The following PPM1L variants were observed in gnomAD, a reference collection of about 807,000 sequenced individuals.
The protein encoded by PPM1L is protein phosphatase 1L.
Under a neutral mutation model 31.4 loss-of-function variants are expected in PPM1L, and 13 were observed. The ratio of observed to expected loss-of-function variants is 0.41; its 90% confidence interval spans 0.27 to 0.66. PPM1L has a LOEUF of 0.66. PPM1L is among the 30% of genes least tolerant of loss of function. The probability of loss-of-function intolerance (pLI) is 0.29; values close to 1 mark genes in which losing one functional copy is unlikely to be tolerated. For synonymous variants in PPM1L, 184 were observed against 175.4 expected, an observed-to-expected ratio of 1.05 and a Z score of -0.39; for missense variants, 326 against 453.7, an observed-to-expected ratio of 0.72 and a Z score of 2.56.
intron 1 of PPM1L, among the ~76,000 whole-genome samples, chr3:160,847,298 A>G (rs2108109809): frequency 1.3e-5 from 2 of 152,348 alleles, no homozygotes; most frequent in South Asian, 4.1e-4. Flanking sequence ...AAAAATTTAG[A>G]GAAGAACCAA....
chr3:160,930,922 G>A (rs1714765508), intron 1 of PPM1L, among the ~76,000 whole-genome samples: 1 of 152,120 alleles, frequency 6.6e-6, no homozygotes, highest in South Asian at 2.1e-4. Flanking sequence ...TTCTAAGCAA[G>A]CATATGGTTA....
chr3:160,914,999 G>A (rs1440873472), intron 1 of PPM1L, among the ~76,000 whole-genome samples: 1 of 152,096 alleles, frequency 6.6e-6, no homozygotes, highest in Non-Finnish European at 1.5e-5. Context: ...GTGTGAGATG[G>A]TATCTCTTTA....
At chr3:160,901,993 T>C (rs926577897) in intron 1 of PPM1L, among the ~76,000 whole-genome samples, 1 of 152,176 alleles carries the variant, frequency 6.6e-6, no homozygotes, top group Non-Finnish European at 1.5e-5. Context: ...GCTATATTTC[T>C]TTTTATAATT....
At chr3:160,920,113 T>G (rs1714336126) in intron 1 of PPM1L, among the ~76,000 whole-genome samples, 1 of 152,138 alleles carries the variant, frequency 6.6e-6, no homozygotes, top group African/African-American at 2.4e-5. Flanking sequence ...ACTTCACTCC[T>G]TGGGGGTGGG....
chr3:160,776,323 T>G (rs921918661), intron 1 of PPM1L, among the ~76,000 whole-genome samples: 15 of 151,606 alleles, frequency 9.9e-5, no homozygotes, highest in Non-Finnish European at 1.5e-5. Flanking sequence ...GTGTGTGTGT[T>G]TGTGTGTGTG....
At chr3:160,848,872 C>A (rs1304680716) in intron 1 of PPM1L, among the ~76,000 whole-genome samples, 1 of 152,226 alleles carries the variant, frequency 6.6e-6, no homozygotes, top group Non-Finnish European at 1.5e-5. Context: ...AGCTGGAAAT[C>A]TGGCAGTCCT....
intron 1 of PPM1L, among the ~76,000 whole-genome samples, chr3:160,906,606 G>GAAAA (rs746541282): frequency 0.07 from 8,669 of 123,070 alleles, 317 homozygotes; most frequent in Admixed American, 0.12. Flanking sequence ...GTCTCATAAA[G>GAAAA]AAAAGAAAAG....
At chr3:161,034,068 T>G (rs1718662385) in intron 2 of PPM1L, among the ~76,000 whole-genome samples, 1 of 146,868 alleles carries the variant, frequency 6.8e-6, no homozygotes, top group Non-Finnish European at 1.5e-5. Context: ...AAGACATTTA[T>G]GCAGCCAACA....
At chr3:160,883,881 CAAAAA>C (rs36011243) in intron 1 of PPM1L, among the ~76,000 whole-genome samples, 1 of 106,384 alleles carries the variant, frequency 9.4e-6, no homozygotes, top group African/African-American at 4.3e-5. Context: ...CTTGTCTCTA[CAAAAA>C]AAAAAAAAAA....
chr3:160,916,163 G>T (rs1714173160), intron 1 of PPM1L, among the ~76,000 whole-genome samples: 2 of 152,030 alleles, frequency 1.3e-5, no homozygotes, highest in South Asian at 4.2e-4. Context: ...CTACTCATCT[G>T]ACAAAGGGCT....
chr3:161,072,030 G>A lies in PPM1L; in HGVS notation c.*2873G>A, dbSNP rs1719937531. The stretch of plus-strand genomic sequence containing the variant: ...AAGACAGGAATGGCCATGTGCTTCT[G>A]AGACCCCAGCACGATGCCAGGCCCA... On this transcript the variant is annotated 3_prime_UTR_variant, in exon 4 of 4. Transcript: ENST00000498165. The A allele has an allele frequency of 6.6e-6, 1 of 152,222 alleles. No individual in the cohort carries two copies. The highest frequency in any genetic ancestry group is 1.5e-5 in the Non-Finnish European group (1 of 68,040). The allele number at this position is 152,222 out of a possible 1,614,324, so 9.4% of individuals were successfully genotyped here. A position where few individuals can be genotyped will look rare whatever the true frequency, so the allele number is the denominator to read the frequency against.
Position 160,961,805 on chromosome 3 carries a change from G to A in PPM1L, c.469G>A (p.Asp157Asn). The change falls in exon 2 of 4, where the codon GAC becomes AAC. Residue 157 changes from aspartate (D) to asparagine (N), a missense_variant. Asp to Asn is a conservative substitution (Grantham distance 23). Coordinates refer to ENST00000498165, the MANE Select transcript of PPM1L (RefSeq NM_139245.4). ...LKQHLQDYEK[D>N]KENSVLSYQT... ...ACAGCATCTTCAGGACTACGAGAAA[G>A]ACAAAGAAAATAGTGTATTATCTTA... is the stretch of plus-strand genomic sequence containing the variant. The A allele has an allele frequency of 6.2e-7, 1 of 1,602,406 alleles. No homozygotes were observed. Among genetic ancestry groups the A allele is most frequent in the Non-Finnish European group, 8.5e-7 (1 of 1,175,106 alleles).
intron 1 of PPM1L, among the ~76,000 whole-genome samples, chr3:160,762,615 G>A (rs1168012735): frequency 6.6e-6 from 1 of 152,126 alleles, no homozygotes; most frequent in Non-Finnish European, 1.5e-5. Context: ...AGTGTGTGAT[G>A]GCTTGACTGA....
intron 2 of PPM1L, among the ~76,000 whole-genome samples, chr3:161,062,232 C>T (rs115541156): frequency 0.014 from 2,057 of 152,136 alleles, 50 homozygotes; most frequent in African/African-American, 0.047. Flanking sequence ...TCTAGATATA[C>T]GGGTATTATC....
At chr3:160,990,661 T>C (rs1433172593) in intron 2 of PPM1L, among the ~76,000 whole-genome samples, 2 of 152,184 alleles carry the variant, frequency 1.3e-5, no homozygotes, top group Non-Finnish European at 2.9e-5. Flanking sequence ...CAAAACAAAG[T>C]GAAAGGTCCC....
intron 1 of PPM1L, among the ~76,000 whole-genome samples, chr3:160,906,209 G>T (rs1004204983): frequency 1.3e-5 from 2 of 152,074 alleles, no homozygotes; most frequent in African/African-American, 2.4e-5. Flanking sequence ...GAGGTGTCTG[G>T]ATCAGTATGT....
At chr3:160,885,771 C>G (rs919449500) in intron 1 of PPM1L, among the ~76,000 whole-genome samples, 2 of 152,240 alleles carry the variant, frequency 1.3e-5, no homozygotes, top group Non-Finnish European at 2.9e-5. Flanking sequence ...GGGTCCCAAC[C>G]CTGGAGCTGC....
intron 1 of PPM1L, among the ~76,000 whole-genome samples, chr3:160,901,851 A>G (rs565502759): frequency 6.6e-6 from 1 of 152,202 alleles, no homozygotes; most frequent in South Asian, 2.1e-4. Flanking sequence ...GGGTGTGGAA[A>G]ATCTCTTCTG....
intron 1 of PPM1L, among the ~76,000 whole-genome samples, chr3:160,935,200 G>A (rs139257884): frequency 4.6e-5 from 7 of 152,240 alleles, no homozygotes; most frequent in South Asian, 2.1e-4. Flanking sequence ...AGTCGTCAGG[G>A]ACTGCTCAAC....
Sources: gnomAD v4.1 joint callset for allele counts (sites outside exome capture counted in the v4.1 genomes callset) on GRCh38, gnomAD v4.1.1 for gene constraint, MANE v1.5 for transcripts, NCBI Gene and HGNC (gene_info 2026-07-23, HGNC 2026-07-21) for gene names.